The following SLC35A1 variants were observed in gnomAD, a reference collection of about 807,000 sequenced individuals.
The protein encoded by SLC35A1 is solute carrier family 35 member A1, also known as CMP-sialic acid transporter.
In SLC35A1, 21 loss-of-function variants were observed where a neutral mutation model predicts 40.3. The ratio of observed to expected loss-of-function variants is 0.52; its 90% CI spans 0.37 to 0.75. SLC35A1 has a LOEUF of 0.75. Among genes scored for constraint, SLC35A1 ranks in the 30% least tolerant of loss-of-function variants. The pLI, the probability that SLC35A1 is intolerant of heterozygous loss-of-function variation, is 0.00. For synonymous variants in SLC35A1, 146 were observed against 147.3 expected (o/e 0.99, Z 0.06); for missense variants, 297 against 382.1 (o/e 0.78, Z 1.86).
chr6:87,500,529 A>T lies in SLC35A1; in HGVS notation c.216A>T (p.Arg72Ser). ...AAAGAGAAACTGGTAGTCTGGGTAG[A>T]TTCAAAGCATCTTTAAGAGAAAATG... ...ILAKETGSLG[R>S]FKASLRENVL... The change falls in exon 3 of 8, where the codon AGA (arginine) becomes AGT (serine). Residue 72 changes from arginine (R) to serine (S), a missense_variant. By Grantham distance (110) the Arg-to-Ser change is moderately radical. Transcript: ENST00000369552. The T allele has an allele frequency of 6.2e-7, 1 of 1,614,074 alleles. No individual in the cohort carries two copies. The highest frequency in any genetic ancestry group is 8.5e-7 in the Non-Finnish European group (1 of 1,179,992).
chr6:87,483,356 C>G (rs1769298604), intron 2 of SLC35A1, among the ~76,000 whole-genome samples: 2 of 152,092 alleles, frequency 1.3e-5, no homozygotes, highest in African/African-American at 4.8e-5. Context: ...TTTAGCCTTT[C>G]TTTCCCCCGA....
chr6:87,489,792 AG>A (rs1322363832), intron 2 of SLC35A1, among the ~76,000 whole-genome samples: 1 of 150,394 alleles, frequency 6.6e-6, no homozygotes, highest in African/African-American at 2.4e-5. Context: ...TGCCTGCCTC[AG>A]CTTCCCAAAG....
At chr6:87,484,051 G>A (rs1049334858) in intron 2 of SLC35A1, among the ~76,000 whole-genome samples, 4 of 152,158 alleles carry the variant, frequency 2.6e-5, no homozygotes, top group Non-Finnish European at 5.9e-5. Flanking sequence ...TGACCACCAA[G>A]GAAGTACTTT....
chr6:87,509,501 T>C (rs1429418169), intron 7 of SLC35A1, among the ~76,000 whole-genome samples: 1 of 152,174 alleles, frequency 6.6e-6, no homozygotes. Flanking sequence ...TGTGAGAAGG[T>C]ACTCAAGGAA....
chr6:87,491,427 A>G (rs972943885), intron 2 of SLC35A1, among the ~76,000 whole-genome samples: 3 of 152,222 alleles, frequency 2.0e-5, no homozygotes, highest in Non-Finnish European at 4.4e-5. Context: ...GTAATTGACA[A>G]TGACAGGATT....
rs1467840987 is a variant in SLC35A1 at position 87,495,813 on chromosome 6, G to A, written c.195-4695G>A. 3.3e-5 allele frequency among the ~76,000 whole-genome samples: 5 copies of A among 151,842 alleles called. No homozygotes were observed. The South Asian group carries it at 6.2e-4, about 19-fold the overall frequency. ...TGGGACTACAGGTGCATGCCACCAC[G>A]CCCGGCTAATTTTTTGTATTTTTAG... On this transcript the variant is annotated intron_variant, in intron 2 of 7. Coordinates refer to ENST00000369552, the MANE Select transcript of SLC35A1 (RefSeq NM_006416.5).
chr6:87,498,607 C>G (rs1179731421), intron 2 of SLC35A1, among the ~76,000 whole-genome samples: 1 of 151,994 alleles, frequency 6.6e-6, no homozygotes, highest in Non-Finnish European at 1.5e-5. Flanking sequence ...CCCGTCTCTA[C>G]CAAAAATACA....
At chr6:87,497,622 T>C (rs1199189492) in intron 2 of SLC35A1, among the ~76,000 whole-genome samples, 1 of 152,208 alleles carries the variant, frequency 6.6e-6, no homozygotes, top group Non-Finnish European at 1.5e-5. Context: ...GGAGTAGCAG[T>C]TGGATCCTTA....
chr6:87,502,679 A>C (rs1429212483), intron 4 of SLC35A1, among the ~76,000 whole-genome samples: 1 of 152,250 alleles, frequency 6.6e-6, no homozygotes, highest in African/African-American at 2.4e-5. Context: ...CTGAAATGTC[A>C]TTATGTGGTA....
chr6:87,507,843 C>T (rs1473879075), intron 5 of SLC35A1, among the ~76,000 whole-genome samples: 2 of 114,308 alleles, frequency 1.7e-5, no homozygotes, highest in Admixed American at 8.3e-5. Context: ...AATTTATTAT[C>T]CAGTTGGGGA....
At chr6:87,500,026 C>T (rs1158958662) in intron 2 of SLC35A1, among the ~76,000 whole-genome samples, 1 of 152,054 alleles carries the variant, frequency 6.6e-6, no homozygotes, top group African/African-American at 2.4e-5. Context: ...CACTTGAACA[C>T]GGGAGGTGGA....
chr6:87,491,297 A>T (rs1379685533), intron 2 of SLC35A1, among the ~76,000 whole-genome samples: 1 of 152,210 alleles, frequency 6.6e-6, no homozygotes, highest in East Asian at 1.9e-4. Flanking sequence ...TCAGATTTTG[A>T]ATTTTCAGAT....
At chr6:87,498,451 A>T (rs1157083428) in intron 2 of SLC35A1, among the ~76,000 whole-genome samples, 1 of 152,124 alleles carries the variant, frequency 6.6e-6, no homozygotes, top group Non-Finnish European at 1.5e-5. Context: ...TTGAGGAGAA[A>T]ACATTTTGAA....
At chr6:87,475,133 G>GA (rs570227582) in intron 1 of SLC35A1, among the ~76,000 whole-genome samples, 50 of 151,946 alleles carry the variant, frequency 3.3e-4, no homozygotes, top group African/African-American at 1.1e-3. Flanking sequence ...CTGTTGTAGG[G>GA]AAAAAAAAGT....
chr6:87,511,170 TAA>T (rs1407262569), intron 7 of SLC35A1, among the ~76,000 whole-genome samples: 4 of 152,188 alleles, frequency 2.6e-5, no homozygotes, highest in Non-Finnish European at 4.4e-5. Context: ...ACTCATGTTC[TAA>T]AAAGTCTGTA....
chr6:87,484,531 G>A (rs1312773838), intron 2 of SLC35A1, among the ~76,000 whole-genome samples: 2 of 152,112 alleles, frequency 1.3e-5, no homozygotes, highest in African/African-American at 2.4e-5. Flanking sequence ...GGGTTAGACC[G>A]CACAGGCTAA....
At chr6:87,505,827 T>C (rs1770062893) in intron 4 of SLC35A1, among the ~76,000 whole-genome samples, 1 of 152,214 alleles carries the variant, frequency 6.6e-6, no homozygotes, top group South Asian at 2.1e-4. Flanking sequence ...CTCTTAATAC[T>C]GTTAGAACGG....
At chr6:87,509,012 A>G (rs766361179) in intron 6 of SLC35A1, 29 bp from the exon 7 acceptor site, 9 of 1,612,436 alleles carry the variant, frequency 5.6e-6, no homozygotes, top group Non-Finnish European at 7.6e-6. Flanking sequence ...TATTTGAGTG[A>G]TAAGATTTTA....
chr6:87,502,364 C>CA (rs1769945883), intron 4 of SLC35A1, among the ~76,000 whole-genome samples: 2 of 152,160 alleles, frequency 1.3e-5, no homozygotes, highest in African/African-American at 4.8e-5. Context: ...TACAGTCATG[C>CA]ATCGCTTAAC....
Sources: gnomAD v4.1 joint callset for allele counts (sites outside exome capture counted in the v4.1 genomes callset) on GRCh38, gnomAD v4.1.1 for gene constraint, MANE v1.5 for transcripts, NCBI Gene and HGNC (gene_info 2026-07-23, HGNC 2026-07-21) for gene names.